DEXI: variants seen among roughly 807,000 people sequenced by gnomAD.
DEXI encodes dexamethasone-induced protein.
DEXI carries 2 observed loss-of-function variants against 2.5 expected under a neutral mutation model. The ratio of observed to expected loss-of-function variants is 0.81; its 90% CI spans 0.33 to 2.55. The LOEUF (loss-of-function observed/expected upper bound fraction) is 2.55, where lower values mean the gene tolerates loss of function less well. DEXI is among the 30% of genes most tolerant of loss of function. The pLI is 0.11. For synonymous variants in DEXI, 71 were observed against 68.7 expected (o/e 1.03, Z -0.17); for missense variants, 108 against 130.3 (o/e 0.83, Z 0.83).
intron 1 of DEXI, chr16:10,931,487 T>G (rs2040791839): frequency 6.6e-6 from 1 of 152,202 alleles, no homozygotes. Flanking sequence ...CGGTTTTCAT[T>G]GTGTTTATCT....
intron 1 of DEXI, chr16:10,930,990 T>C (rs185097361): frequency 6.6e-6 from 1 of 152,440 alleles, no homozygotes; most frequent in African/African-American, 2.4e-5. Context: ...CCTGTGGTCA[T>C]CCTTGAGCCC....
Position 10,929,569 on chromosome 16 carries a change from A to C in DEXI, c.*150-10T>G. Reference sequence around the variant, plus strand: ...TTTGAGGGGAGCAGGTCTAACAAGAAGGAAAAAGGGGGGTTATTAGCACGG... The same window carrying C: ...TTTGAGGGGAGCAGGTCTAACAAGACGGAAAAAGGGGGGTTATTAGCACGG... On this transcript the variant is annotated splice_polypyrimidine_tract_variant and intron_variant, in intron 1 of 1. Transcript: ENST00000331808. This position sits in a 1 kb window ranked among gnomAD's most constrained non-coding sequence, Gnocchi z 4.3. 1.0e-6 allele frequency: 1 copy of C among 985,406 alleles called. No individual in the cohort carries two copies. Among genetic ancestry groups the C allele is most frequent in the Non-Finnish European group, 1.2e-6 (1 of 829,940 alleles). The allele number at this position is 985,406 out of a possible 1,614,324, so 61.0% of individuals were successfully genotyped here.
chr16:10,940,409 G>C lies in DEXI; in HGVS notation c.*149+1160C>G, dbSNP rs1408304384. On this transcript the variant is annotated intron_variant, in intron 1 of 1. Transcript: ENST00000331808. The surrounding 1 kb of genome is among the most constrained non-coding windows in gnomAD (Gnocchi z 4.2). ...GCCTGTGGTTGTCTTGGCAAAGCCA[G>C]GTAATGCAGGAGAGGGGTGGACTCA... The C allele has an allele frequency of 6.6e-6, 1 of 152,284 alleles. No individual in the cohort carries two copies. The highest frequency in any genetic ancestry group is 1.5e-5 in the Non-Finnish European group (1 of 68,064). The allele number at this position is 152,284 out of a possible 1,614,324, so 9.4% of individuals were successfully genotyped here.
Position 10,929,644 on chromosome 16 carries a change from G to T in DEXI, c.*150-85C>A. 1.2e-6 allele frequency: 1 copy of T among 853,296 alleles called. No individual in the cohort carries two copies. Among genetic ancestry groups the T allele is most frequent in the Non-Finnish European group, 1.4e-6 (1 of 709,678 alleles). The allele number at this position is 853,296 out of a possible 1,614,324, so 52.9% of individuals were successfully genotyped here. On this transcript the variant is annotated intron_variant, in intron 1 of 1. Transcript: ENST00000331808. The surrounding 1 kb of genome is among the most constrained non-coding windows in gnomAD (Gnocchi z 4.3). ...GCTGGGGACAGGGACCAATCCACCA[G>T]GCTCGGGAGGCTTGGGGTGGGGCAG...
rs562212593 is a variant in DEXI, at chr16:10,939,750, T to C, written c.*149+1819A>G. On this transcript the variant is annotated intron_variant, in intron 1 of 1. Coordinates refer to ENST00000331808, the MANE Select transcript of DEXI (RefSeq NM_014015.4). This position sits in a 1 kb window ranked among gnomAD's most constrained non-coding sequence, Gnocchi z 4.9. Reference sequence around the variant, plus strand: ...TAGAGGCCAGGCACAGTTTTAAGTGTTGAGGACATGGCAGTGAACACAACA... The same window carrying C: ...TAGAGGCCAGGCACAGTTTTAAGTGCTGAGGACATGGCAGTGAACACAACA... 7 of 152,394 alleles carry C rather than the reference T, an allele frequency of 4.6e-5. No homozygotes were observed. The highest frequency in any genetic ancestry group is 1.5e-5 in the Non-Finnish European group (1 of 68,056). 9.4% of individuals were successfully genotyped at this position (152,394 alleles called of 1,614,324 possible). A position where few individuals can be genotyped will look rare whatever the true frequency, so the allele number is the denominator to read the frequency against.
chr16:10,932,741 G>A (rs537998103), intron 1 of DEXI: 8 of 144,282 alleles, frequency 5.5e-5, no homozygotes, highest in Admixed American at 4.2e-4. Flanking sequence ...TGTCACCCAG[G>A]CTGGAGGGCA....
chr16:10,940,753 G>C lies in DEXI; in HGVS notation c.*149+816C>G, dbSNP rs2041091683. The C allele has an allele frequency of 6.6e-6, 1 of 152,342 alleles. No individual in the cohort carries two copies. Among genetic ancestry groups the C allele is most frequent in the African/African-American group, 2.4e-5 (1 of 41,440 alleles). 9.4% of individuals were successfully genotyped at this position (152,342 alleles called of 1,614,324 possible). A position where few individuals can be genotyped will look rare whatever the true frequency, so the allele number is the denominator to read the frequency against. ...CTCTCACATACACAGTGGGCTGGAT[G>C]CTGGATGCAAAGCTCCCTCGTCACA... On this transcript the variant is annotated intron_variant, in intron 1 of 1. Transcript: ENST00000331808. The surrounding 1 kb of genome is among the most constrained non-coding windows in gnomAD (Gnocchi z 4.2).
rs1020650684 is a variant in DEXI, at chr16:10,941,496, C to T, written c.*149+73G>A. On this transcript the variant is annotated intron_variant, in intron 1 of 1. Transcript: ENST00000331808. This position sits in a 1 kb window ranked among gnomAD's most constrained non-coding sequence, Gnocchi z 6.4. ...GAAGCCTGAGGGAGGGGTGTGTATC[C>T]GGCCTGGGAATTCCTCCCTCTCCCT... 1.0e-5 allele frequency: 14 copies of T among 1,348,628 alleles called. No individual in the cohort carries two copies. Among genetic ancestry groups the T allele is most frequent in the African/African-American group, 8.9e-5 (6 of 67,178 alleles). 83.5% of individuals were successfully genotyped at this position (1,348,628 alleles called of 1,614,324 possible).
At position 10,929,360 on chromosome 16, in the gene DEXI, G is replaced by A; in HGVS notation, c.*349C>T. On this transcript the variant is annotated 3_prime_UTR_variant, in exon 2 of 2. Transcript: ENST00000331808. The surrounding 1 kb of genome is among the most constrained non-coding windows in gnomAD (Gnocchi z 4.3). ...TGGGTTCCTGTAAACATCCATCGCA[G>A]CTGCAAATAATCAGAAGCCAAGGCC... 1 of 985,928 alleles carries A rather than the reference G, an allele frequency of 1.0e-6. No homozygotes were observed. The highest frequency in any genetic ancestry group is 1.2e-6 in the Non-Finnish European group (1 of 829,968). 61.1% of individuals were successfully genotyped at this position (985,928 alleles called of 1,614,324 possible).
rs2040914220 is a variant in DEXI, at chr16:10,934,037, A to T, written c.*150-4478T>A. 6.6e-6 allele frequency: 1 copy of T among 152,170 alleles called. No homozygotes were observed. Among genetic ancestry groups the T allele is most frequent in the South Asian group, 2.1e-4 (1 of 4,828 alleles). 9.4% of individuals were successfully genotyped at this position (152,170 alleles called of 1,614,324 possible). A position where few individuals can be genotyped will look rare whatever the true frequency, so the allele number is the denominator to read the frequency against. On this transcript the variant is annotated intron_variant, in intron 1 of 1. Transcript: ENST00000331808. This position sits in a 1 kb window ranked among gnomAD's most constrained non-coding sequence, Gnocchi z 4.2. ...AAGCCAACGTCACAGAGAAATGATG[A>T]CCACTTTCTCAAACCTGGCTTCGGA...
At position 10,941,789 on chromosome 16, in the gene DEXI, G is replaced by A. The variant is rs770699316; in HGVS notation, c.217C>T (p.Leu73Phe). The change falls in exon 1 of 2, where the codon CTC becomes TTC. Residue 73 changes from leucine (L) to phenylalanine (F), a missense_variant. By Grantham distance (22) the Leu-to-Phe change is conservative. Coordinates refer to ENST00000331808, the MANE Select transcript of DEXI (RefSeq NM_014015.4). This position sits in a 1 kb window ranked among gnomAD's most constrained non-coding sequence, Gnocchi z 6.4. ...MDQALVDLGVLSDPGSGLYDA... is the reference protein window; with the variant it reads ...MDQALVDLGVFSDPGSGLYDA... ...TAAAGGCCCGAGCCGGGGTCGGAGA[G>A]CACGCCGAGGTCCACGAGCGCCTGG... 50 of 1,613,628 alleles carry A rather than the reference G, an allele frequency of 3.1e-5. No individual in the cohort carries two copies. The highest frequency in any genetic ancestry group is 4.1e-5 in the Non-Finnish European group (48 of 1,179,870).
chr16:10,935,027 T>G (rs2040970488), intron 1 of DEXI: 1 of 152,276 alleles, frequency 6.6e-6, no homozygotes, highest in African/African-American at 2.4e-5. Flanking sequence ...CGTCATTCAT[T>G]AAGCAAGCAC....
rs2041078482 is a variant in DEXI at position 10,939,954 on chromosome 16, A to G, written c.*149+1615T>C. ...CAACAAGCATTCATTCTGTAAAAGA[A>G]CGGACGGATGGATGGCAGGCAGGCA... On this transcript the variant is annotated intron_variant, in intron 1 of 1. Transcript: ENST00000331808. The surrounding 1 kb of genome is among the most constrained non-coding windows in gnomAD (Gnocchi z 4.9). 2 of 152,410 alleles carry G rather than the reference A, an allele frequency of 1.3e-5. No homozygotes were observed. The highest frequency in any genetic ancestry group is 4.1e-4 in the South Asian group (2 of 4,830). The allele number at this position is 152,410 out of a possible 1,614,324, so 9.4% of individuals were successfully genotyped here.
intron 1 of DEXI, chr16:10,932,200 T>C (rs1265908816): frequency 6.6e-6 from 1 of 152,234 alleles, no homozygotes; most frequent in Non-Finnish European, 1.5e-5. Context: ...GTCACACACT[T>C]TGGCTATTAG....
At position 10,940,294 on chromosome 16, in the gene DEXI, T is replaced by G. The variant is rs1036142183; in HGVS notation, c.*149+1275A>C. 2.6e-5 allele frequency: 4 copies of G among 152,264 alleles called. No individual in the cohort carries two copies. Among genetic ancestry groups the G allele is most frequent in the Non-Finnish European group, 5.9e-5 (4 of 68,048 alleles). 9.4% of individuals were successfully genotyped at this position (152,264 alleles called of 1,614,324 possible). ...AAGGCAGAGCCTTCATGGGTGGGAT[T>G]AATGCCCTTATAAGAACAGTAAGAG... On this transcript the variant is annotated intron_variant, in intron 1 of 1. Transcript: ENST00000331808. This position sits in a 1 kb window ranked among gnomAD's most constrained non-coding sequence, Gnocchi z 4.2.
At position 10,935,693 on chromosome 16, in the gene DEXI, T is replaced by C. The variant is rs529171573; in HGVS notation, c.*149+5876A>G. 3 of 152,324 alleles carry C rather than the reference T, an allele frequency of 2.0e-5. No homozygotes were observed. The East Asian group carries it at 5.8e-4, about 29-fold the overall frequency. 9.4% of individuals were successfully genotyped at this position (152,324 alleles called of 1,614,324 possible). ...CGCCAGAAAGGGGACAGATGGCATG[T>C]GCCTCTCGATAAGATGCACTGAAGA... On this transcript the variant is annotated intron_variant, in intron 1 of 1. Coordinates refer to ENST00000331808, the MANE Select transcript of DEXI (RefSeq NM_014015.4).
At position 10,941,610 on chromosome 16, in the gene DEXI, C is replaced by T; in HGVS notation, c.*108G>A. 6.7e-7 allele frequency: 1 copy of T among 1,502,258 alleles called. No individual in the cohort carries two copies. Among genetic ancestry groups the T allele is most frequent in the Non-Finnish European group, 8.9e-7 (1 of 1,126,962 alleles). 93.1% of individuals were successfully genotyped at this position (1,502,258 alleles called of 1,614,324 possible). ...GGAGGGTCTCCTCCTGGGGAACCAT[C>T]CCCGTCCAGATGGTGCCCCCAACCA... On this transcript the variant is annotated 3_prime_UTR_variant, in exon 1 of 2. Coordinates refer to ENST00000331808, the MANE Select transcript of DEXI (RefSeq NM_014015.4). The surrounding 1 kb of genome is among the most constrained non-coding windows in gnomAD (Gnocchi z 6.4).
rs1403306097 is a variant in DEXI at position 10,941,402 on chromosome 16, A to G, written c.*149+167T>C. ...TTGCTGGAGGAAGCTTTCCAGCCCAAACGAAGGGCTTAAGAGGAGTCTGGC... is the reference window on the plus strand; with the variant it reads ...TTGCTGGAGGAAGCTTTCCAGCCCAGACGAAGGGCTTAAGAGGAGTCTGGC... On this transcript the variant is annotated intron_variant, in intron 1 of 1. Coordinates refer to ENST00000331808, the MANE Select transcript of DEXI (RefSeq NM_014015.4). This position sits in a 1 kb window ranked among gnomAD's most constrained non-coding sequence, Gnocchi z 6.4. 2.0e-6 allele frequency: 1 copy of G among 509,656 alleles called. No homozygotes were observed. The highest frequency in any genetic ancestry group is 2.0e-5 in the African/African-American group (1 of 49,822). The allele number at this position is 509,656 out of a possible 1,614,324, so 31.6% of individuals were successfully genotyped here.
In DEXI at chr16:10,941,834, A is replaced by G; in HGVS notation, c.172T>C (p.Phe58Leu). The G allele has an allele frequency of 1.2e-6, 2 of 1,613,402 alleles. No homozygotes were observed. Among genetic ancestry groups the G allele is most frequent in the Non-Finnish European group, 1.7e-6 (2 of 1,179,856 alleles). The change falls in exon 1 of 2, where the codon TTC becomes CTC. Residue 58 changes from phenylalanine to leucine, a missense_variant. Phe to Leu is a conservative substitution (Grantham distance 22). Coordinates refer to ENST00000331808, the MANE Select transcript of DEXI (RefSeq NM_014015.4). The surrounding 1 kb of genome is among the most constrained non-coding windows in gnomAD (Gnocchi z 6.4). ...GCCTGGTCCATGTCCTCGGGCAGGA[A>G]GACGAGGCCCACGTTGAGGACGATG... ...EYIVLNVGLV[F>L]LPEDMDQALV...
Sources: gnomAD v4.1 joint callset for allele counts on GRCh38, gnomAD v4.1.1 for gene constraint, Gnocchi (gnomAD v3.1) non-coding constraint, MANE v1.5 for transcripts, NCBI Gene and HGNC (gene_info 2026-07-23, HGNC 2026-07-21) for gene names.